The following KIF21A variants were observed in gnomAD, a reference collection of about 807,000 sequenced individuals.
KIF21A encodes the protein kinesin family member 21A.
KIF21A carries 114 observed loss-of-function variants against 202.9 expected under a neutral mutation model. The ratio of observed to expected loss-of-function variants is 0.56; its 90% CI spans 0.48 to 0.66. KIF21A has a LOEUF of 0.66. KIF21A is among the 30% of genes least tolerant of loss of function. The probability of loss-of-function intolerance (pLI) is 0.00; values close to 1 mark genes in which losing one functional copy is unlikely to be tolerated. For synonymous variants in KIF21A, 667 were observed against 670.8 expected (o/e 0.99, Z 0.09); for missense variants, 1,677 against 1,994.9 (o/e 0.84, Z 3.04).
intron 25 of KIF21A, 76 bp downstream of exon 25, chr12:39,326,186 GGT>G: frequency 9.2e-7 from 1 of 1,090,576 alleles, no homozygotes; most frequent in Non-Finnish European, 1.4e-6. Context: ...TCTGTTTTAT[GGT>G]AATTGTTTGA....
At chr12:39,344,091 C>A (rs1458910658) in intron 12 of KIF21A, among the ~76,000 whole-genome samples, 1 of 152,096 alleles carries the variant, frequency 6.6e-6, no homozygotes, top group African/African-American at 2.4e-5. Flanking sequence ...GTTGTTAAAT[C>A]ATTTGGATGG....
intron 31 of KIF21A, chr12:39,311,961 G>T (rs1434913675): frequency 5.3e-6 from 1 of 188,352 alleles, no homozygotes; most frequent in Non-Finnish European, 1.1e-5. Flanking sequence ...ACATGCTGGA[G>T]AAAGTGTAAT....
chr12:39,333,408 C>T (rs2138158803), intron 17 of KIF21A, 128 bp from the exon 18 acceptor site: 1 of 709,644 alleles, frequency 1.4e-6, no homozygotes, highest in Non-Finnish European at 2.5e-6. Context: ...GAGTCAACAA[C>T]CTTGTATATA....
intron 24 of KIF21A, 140 bp downstream of exon 24, chr12:39,330,102 G>A (rs2093700040): frequency 1.4e-6 from 1 of 729,498 alleles, no homozygotes; most frequent in Non-Finnish European, 2.5e-6. Context: ...TGTGGGCATG[G>A]ATACATTTCA....
intron 1 of KIF21A, among the ~76,000 whole-genome samples, chr12:39,403,141 A>C (rs930570702): frequency 6.6e-6 from 1 of 152,148 alleles, no homozygotes; most frequent in Non-Finnish European, 1.5e-5. Flanking sequence ...CCTTGACAAA[A>C]AAAAACCTAA....
At chr12:39,411,684 AC>A (rs1431334234) in intron 1 of KIF21A, among the ~76,000 whole-genome samples, 1 of 151,762 alleles carries the variant, frequency 6.6e-6, no homozygotes, top group Non-Finnish European at 1.5e-5. Context: ...GCACCACCAC[AC>A]CCAGCTAATT....
At chr12:39,389,783 T>G (rs112752295) in intron 1 of KIF21A, among the ~76,000 whole-genome samples, 1 of 152,150 alleles carries the variant, frequency 6.6e-6, no homozygotes, top group African/African-American at 2.4e-5. Context: ...GTTATGAAGA[T>G]GGATATCTTT....
At chr12:39,373,695 T>G (rs1322101982) in intron 1 of KIF21A, among the ~76,000 whole-genome samples, 1 of 152,180 alleles carries the variant, frequency 6.6e-6, no homozygotes, top group Non-Finnish European at 1.5e-5. Context: ...TAAATTTCAT[T>G]TCAACATAAC....
Position 39,330,813 on chromosome 12 carries a change from G to A in KIF21A, c.3252C>T (p.Phe1084=). The stretch of plus-strand genomic sequence containing the variant: ...ATTCTGCCTTCTCTTTCAACATATG[G>A]AATAAGAGCTGGTTTTGGGTAGCAC... The part of the protein sequence containing the change: ...ITSATQNQLL[F]HMLKEKAELN... Residue 1084 remains phenylalanine, a synonymous_variant, in exon 23 of 38, where the codon TTC becomes TTT. Coordinates refer to ENST00000361418, the MANE Select transcript of KIF21A (RefSeq NM_001173464.2). 1 of 1,613,864 alleles carries A rather than the reference G, an allele frequency of 6.2e-7. No homozygotes were observed. The highest frequency in any genetic ancestry group is 8.5e-7 in the Non-Finnish European group (1 of 1,179,818).
chr12:39,346,349 G>A, intron 12 of KIF21A, 117 bp downstream of exon 12: 1 of 541,976 alleles, frequency 1.8e-6, no homozygotes. Context: ...ATTACTTTTA[G>A]GAGCAGCCCA....
intron 35 of KIF21A, 71 bp from the exon 36 acceptor site, chr12:39,303,206 G>A: frequency 7.8e-7 from 1 of 1,279,980 alleles, no homozygotes; most frequent in Non-Finnish European, 1.1e-6. Flanking sequence ...TACAGTCCTA[G>A]AAACACATAC....
intron 1 of KIF21A, among the ~76,000 whole-genome samples, chr12:39,409,245 T>A (rs1435251728): frequency 6.6e-6 from 1 of 151,732 alleles, no homozygotes; most frequent in Non-Finnish European, 1.5e-5. Flanking sequence ...AAGAGCCAGG[T>A]TTGGTGGTTC....
At chr12:39,349,810 T>C (rs1948219158) in intron 11 of KIF21A, among the ~76,000 whole-genome samples, 1 of 152,046 alleles carries the variant, frequency 6.6e-6, no homozygotes, top group South Asian at 2.1e-4. Flanking sequence ...TAAATTTTTA[T>C]ATGTAGCAAT....
Position 39,369,763 on chromosome 12 carries a change from G to A in KIF21A, c.416C>T (p.Ala139Val). ...TTGGGCATTCACTTTAAAATCTGGA[G>A]CAGGAAGCCCATTTTTAATTGCTAT... ...KHIAIKNGLP[A>V]PDFKVNAQFL... Residue 139 changes from alanine (A) to valine (V), a missense_variant, in exon 3 of 38, where the codon GCT becomes GTT. Around this residue, in one of 3 missense-constraint regions of KIF21A, gnomAD observed 966 missense variants for 1,180.9 expected, o/e 0.82. Transcript: ENST00000361418. The A allele has an allele frequency of 1.2e-6, 2 of 1,612,686 alleles. No homozygotes were observed. Among genetic ancestry groups the A allele is most frequent in the South Asian group, 1.1e-5 (1 of 90,790 alleles).
At chr12:39,298,156 G>A (rs1052774034) in intron 37 of KIF21A, among the ~76,000 whole-genome samples, 1 of 152,112 alleles carries the variant, frequency 6.6e-6, no homozygotes, top group Admixed American at 6.5e-5. Flanking sequence ...AAGATGAACT[G>A]TGTGATAGCC....
chr12:39,442,987 G>A lies in KIF21A; in HGVS notation c.-17C>T, dbSNP rs1158381201. On this transcript the variant is annotated 5_prime_UTR_variant, in exon 1 of 38. Coordinates refer to ENST00000361418, the MANE Select transcript of KIF21A (RefSeq NM_001173464.2). The surrounding 1 kb of genome is among the most constrained non-coding windows in gnomAD (Gnocchi z 5.0). Reference sequence around the variant, plus strand: ...GCCCAACATGCTGGCGGCGGGCAGCGATCGAGCCGTTGGGCCTCGGCACCG... The same window carrying A: ...GCCCAACATGCTGGCGGCGGGCAGCAATCGAGCCGTTGGGCCTCGGCACCG... The A allele has an allele frequency of 2.0e-6, 3 of 1,518,358 alleles. No homozygotes were observed. Among genetic ancestry groups the A allele is most frequent in the Admixed American group, 4.0e-5 (2 of 49,976 alleles). 94.1% of individuals were successfully genotyped at this position (1,518,358 alleles called of 1,614,324 possible).
At chr12:39,416,589 C>T (rs989526628) in intron 1 of KIF21A, among the ~76,000 whole-genome samples, 18 of 137,588 alleles carry the variant, frequency 1.3e-4, no homozygotes, top group Admixed American at 8.9e-4. Context: ...GAGTGAGATC[C>T]GCCTTAAATA....
At chr12:39,413,674 C>CTCA in intron 1 of KIF21A, among the ~76,000 whole-genome samples, 1 of 152,230 alleles carries the variant, frequency 6.6e-6, no homozygotes, top group Admixed American at 6.5e-5. Context: ...GCCTGTAACC[C>CTCA]AGCTGAGGAA....
chr12:39,304,669 C>G (rs747771381), intron 35 of KIF21A, 152 bp downstream of exon 35: 3 of 594,430 alleles, frequency 5.0e-6, no homozygotes, highest in African/African-American at 1.9e-5. Flanking sequence ...GACAACAAAA[C>G]CACTAACTAT....
Sources: gnomAD v4.1 joint callset for allele counts (sites outside exome capture counted in the v4.1 genomes callset) on GRCh38, gnomAD v4.1.1 for gene constraint, gnomAD v4.1.1 regional missense constraint, Gnocchi (gnomAD v3.1) non-coding constraint, MANE v1.5 for transcripts, NCBI Gene and HGNC (gene_info 2026-07-23, HGNC 2026-07-21) for gene names.